PARD3B: variants seen among roughly 807,000 people sequenced by gnomAD.
PARD3B encodes the protein partitioning defective 3 homolog B.
Under a neutral mutation model 130.2 loss-of-function variants are expected in PARD3B, and 103 were observed. That is an observed-to-expected ratio of 0.79 (90% CI 0.67 to 0.93). The LOEUF is 0.93. PARD3B is among the 40% of genes least tolerant of loss of function. The pLI, the probability that PARD3B is intolerant of heterozygous loss-of-function variation, is 0.00. For missense variants in PARD3B, 1,609 were observed against 1,499.2 expected, an observed-to-expected ratio of 1.07 and a Z score of -1.21; for synonymous variants, 583 against 553.2, an observed-to-expected ratio of 1.05 and a Z score of -0.76.
chr2:204,989,597 CTGTGGAATAATCATT>C (rs1170746195), intron 3 of PARD3B, among the ~76,000 whole-genome samples: 1 of 152,046 alleles, frequency 6.6e-6, no homozygotes, highest in Non-Finnish European at 1.5e-5. Context: ...TTTCACTTTT[CTGTGGAATAATCATT>C]CCTTTGCTTT....
chr2:205,371,791 T>G (rs544106289), intron 18 of PARD3B, among the ~76,000 whole-genome samples: 1 of 152,290 alleles, frequency 6.6e-6, no homozygotes, highest in East Asian at 1.9e-4. Flanking sequence ...TTCACAGAGT[T>G]GTACAATCAT....
At chr2:205,194,487 T>C (rs1402752053) in intron 15 of PARD3B, among the ~76,000 whole-genome samples, 2 of 152,168 alleles carry the variant, frequency 1.3e-5, no homozygotes, top group Non-Finnish European at 2.9e-5. Context: ...GTGACATAGG[T>C]TATTACTAAT....
chr2:205,172,338 T>C lies in PARD3B; in HGVS notation c.1748T>C (p.Met583Thr). 1 of 1,614,136 alleles carries C rather than the reference T, an allele frequency of 6.2e-7. No individual in the cohort carries two copies. The highest frequency in any genetic ancestry group is 8.5e-7 in the Non-Finnish European group (1 of 1,180,002). Residue 583 changes from methionine to threonine, a missense_variant, in exon 12 of 23, where the codon ATG becomes ACG. By Grantham distance (81) the Met-to-Thr change is moderately conservative (BLOSUM62 -1). Transcript: ENST00000406610. ...SMSMEGNIRG[M>T]IQLVILRRPE... ...TCCATGGAGGGAAACATCCGAGGGA[T>C]GATCCAGTTGGTGATTCTGAGGAGG... is the stretch of plus-strand genomic sequence containing the variant.
At chr2:204,888,586 A>C (rs970014099) in intron 2 of PARD3B, among the ~76,000 whole-genome samples, 1 of 151,760 alleles carries the variant, frequency 6.6e-6, no homozygotes, top group Admixed American at 6.6e-5. Flanking sequence ...CAATAATTAG[A>C]TGGATGTGGT....
rs556863225 is a variant in PARD3B at position 205,251,735 on chromosome 2, G to A, written c.2185+5913G>A. Among the ~76,000 whole-genome samples, 30 of 152,156 alleles carry A rather than the reference G, an allele frequency of 2.0e-4. 1 individual carries two copies. In the South Asian group the frequency reaches 6.2e-3, roughly 32 times the overall value. On this transcript the variant is annotated intron_variant, in intron 16 of 22. Coordinates refer to ENST00000406610, the MANE Select transcript of PARD3B (RefSeq NM_001302769.2). ...TTGCAAATTTTCATGAATTTTTATG[G>A]TTATTATTGATGAGGAGCTAAAATT...
Position 205,525,797 on chromosome 2 carries a change from C to G in PARD3B, c.3180+25766C>G, listed in dbSNP as rs1339911501. ...TCTCGACAAAGGGCCTGACTCTCTC[C>G]CCTTCCAGCCCCTTCGCTACAGCAG... On this transcript the variant is annotated intron_variant, in intron 21 of 22. Transcript: ENST00000406610. The surrounding 1 kb of genome is among the most constrained non-coding windows in gnomAD (Gnocchi z 4.2). 6.6e-6 allele frequency among the ~76,000 whole-genome samples: 1 copy of G among 152,204 alleles called. No homozygotes were observed. Among genetic ancestry groups the G allele is most frequent in the Non-Finnish European group, 1.5e-5 (1 of 68,042 alleles).
chr2:205,546,855 A>AT (rs2052402174), intron 21 of PARD3B, among the ~76,000 whole-genome samples: 1 of 152,220 alleles, frequency 6.6e-6, no homozygotes, highest in Non-Finnish European at 1.5e-5. Context: ...TTATATAGCC[A>AT]TTAAAAATCA....
At chr2:205,546,147 G>C (rs1443863763) in intron 21 of PARD3B, among the ~76,000 whole-genome samples, 1 of 152,178 alleles carries the variant, frequency 6.6e-6, no homozygotes, top group East Asian at 1.9e-4. Flanking sequence ...AAGCCCTCCT[G>C]ATAGGCTTGT....
chr2:205,457,559 C>T (rs904049726), intron 20 of PARD3B, among the ~76,000 whole-genome samples: 4 of 151,936 alleles, frequency 2.6e-5, no homozygotes, highest in Admixed American at 2.6e-4. Flanking sequence ...TCCCAGAATA[C>T]TTTTCCTTTT....
At chr2:204,975,228 A>G (rs994533587) in intron 3 of PARD3B, among the ~76,000 whole-genome samples, 1 of 152,108 alleles carries the variant, frequency 6.6e-6, no homozygotes. Flanking sequence ...GGGAGGTTCA[A>G]GGTATTCATA....
intron 2 of PARD3B, among the ~76,000 whole-genome samples, chr2:204,722,681 C>T (rs2039052315): frequency 6.6e-6 from 1 of 152,116 alleles, no homozygotes; most frequent in African/African-American, 2.4e-5. Flanking sequence ...GGGTTTGGTC[C>T]TTGTTAATAA....
Position 205,142,881 on chromosome 2 carries a change from A to AAAATAAAT in PARD3B, c.1435-15818_1435-15811dup, listed in dbSNP as rs139843896. Among the ~76,000 whole-genome samples the AAAATAAAT allele has an allele frequency of 0.13, 19,513 of 146,584 alleles. 1,630 individuals are homozygous for AAAATAAAT. The highest frequency in any genetic ancestry group is 0.25 in the Middle Eastern group (73 of 290). On this transcript the variant is annotated intron_variant, in intron 10 of 22. Transcript: ENST00000406610. The surrounding 1 kb of genome is among the most constrained non-coding windows in gnomAD (Gnocchi z 4.3). Reference sequence around the variant, plus strand: ...TGACAGGATGAGACTTCGGTCTCAAAAAATAAATAAATAAATAAATAAATA... The same window carrying AAAATAAAT: ...TGACAGGATGAGACTTCGGTCTCAAAAAATAAATAAATAAATAAATAAATAAATAAATA...
intron 3 of PARD3B, among the ~76,000 whole-genome samples, chr2:205,010,829 G>T (rs991713227): frequency 6.6e-6 from 1 of 152,050 alleles, no homozygotes; most frequent in South Asian, 2.1e-4. Flanking sequence ...TATATTTTCA[G>T]TGTGGTTATA....
At chr2:204,599,046 A>G (rs796510021) in intron 1 of PARD3B, among the ~76,000 whole-genome samples, 4 of 151,370 alleles carry the variant, frequency 2.6e-5, no homozygotes, top group African/African-American at 9.7e-5. Context: ...GGTTGTTGCT[A>G]TTTACAGTTT....
At chr2:204,642,609 A>C (rs1574604356) in intron 1 of PARD3B, among the ~76,000 whole-genome samples, 1 of 152,092 alleles carries the variant, frequency 6.6e-6, no homozygotes, top group Non-Finnish European at 1.5e-5. Flanking sequence ...GGAGACTGAG[A>C]AAATATTCTG....
intron 4 of PARD3B, among the ~76,000 whole-genome samples, chr2:205,055,320 A>G (rs1268003752): frequency 1.3e-5 from 2 of 152,088 alleles, no homozygotes; most frequent in African/African-American, 4.8e-5. Flanking sequence ...CCCTTAAGAA[A>G]TTTTTCTAAT....
At chr2:205,320,706 A>C (rs2042724301) in intron 18 of PARD3B, among the ~76,000 whole-genome samples, 1 of 152,236 alleles carries the variant, frequency 6.6e-6, no homozygotes, top group Non-Finnish European at 1.5e-5. Flanking sequence ...GATTAAATGC[A>C]CATGGCATCT....
chr2:205,067,635 A>G (rs1207380068), intron 4 of PARD3B, among the ~76,000 whole-genome samples: 1 of 152,170 alleles, frequency 6.6e-6, no homozygotes, highest in African/African-American at 2.4e-5. Flanking sequence ...TAATTTACCT[A>G]TAAATTTTTT....
intron 16 of PARD3B, among the ~76,000 whole-genome samples, chr2:205,248,238 T>C (rs995665151): frequency 6.6e-6 from 1 of 152,062 alleles, no homozygotes; most frequent in African/African-American, 2.4e-5. Context: ...CCACAGAGCC[T>C]GGCCACTCCC....
Sources: gnomAD v4.1 joint callset for allele counts (sites outside exome capture counted in the v4.1 genomes callset) on GRCh38, gnomAD v4.1.1 for gene constraint, Gnocchi (gnomAD v3.1) non-coding constraint, MANE v1.5 for transcripts, NCBI Gene and HGNC (gene_info 2026-07-23, HGNC 2026-07-21) for gene names.